MEGF8: variants seen among roughly 807,000 people sequenced by gnomAD.
The protein encoded by MEGF8 is multiple EGF like domains 8.
MEGF8 carries 156 observed loss-of-function variants against 302.9 expected under a neutral mutation model. The ratio of observed to expected loss-of-function variants is 0.52; its 90% CI spans 0.45 to 0.59. The LOEUF (loss-of-function observed/expected upper bound fraction) is 0.59. Ranked by LOEUF, MEGF8 falls within the 20% of genes least tolerant of loss-of-function variation. The pLI is 0.00. For missense variants in MEGF8, 3,345 were observed against 3,964.5 expected (o/e 0.84, Z 4.20); for synonymous variants, 1,621 against 1,660.5 (o/e 0.98, Z 0.58).
At position 42,359,078 on chromosome 19, in the gene MEGF8, A is replaced by ACAACCCCC. The variant is rs2039494634; in HGVS notation, c.5344-19_5344-18insAACCCCCC. The ACAACCCCC allele has an allele frequency of 1.4e-6, 1 of 710,684 alleles. No homozygotes were observed. The highest frequency in any genetic ancestry group is 2.1e-5 in the African/African-American group (1 of 47,910). 44.0% of individuals were successfully genotyped at this position (710,684 alleles called of 1,614,324 possible). A position where few individuals can be genotyped will look rare whatever the true frequency, so the allele number is the denominator to read the frequency against. ...CTCTGACAGGCTGTCCTGTCCCCCCACCCCCCGTCTCCCCAACAGCCCCGC... is the reference window on the plus strand; with the variant it reads ...CTCTGACAGGCTGTCCTGTCCCCCCACAACCCCCCCCCCCGTCTCCCCAACAGCCCCGC... On this transcript the variant is annotated intron_variant, in intron 30 of 41. Coordinates refer to ENST00000251268, the MANE Select transcript of MEGF8 (RefSeq NM_001271938.2).
intron 13 of MEGF8, among the ~76,000 whole-genome samples, chr19:42,349,198 G>T (rs548705215): frequency 6.6e-6 from 1 of 152,100 alleles, no homozygotes; most frequent in African/African-American, 2.4e-5. Flanking sequence ...TATTTGGGAG[G>T]CTGAGGTGGG....
At chr19:42,350,523 G>A (rs1277071778) in intron 15 of MEGF8, 139 bp downstream of exon 15, 4 of 753,514 alleles carry the variant, frequency 5.3e-6, no homozygotes, top group Non-Finnish European at 8.3e-6. Context: ...CTGGTGGGGA[G>A]GGTGAGATGG....
intron 12 of MEGF8, among the ~76,000 whole-genome samples, chr19:42,346,926 A>G (rs886289038): frequency 6.8e-6 from 1 of 147,716 alleles, no homozygotes; most frequent in Non-Finnish European, 1.5e-5. Context: ...TGGAGCTTGC[A>G]GTCAGCTGAG....
In MEGF8 at chr19:42,354,569, C is replaced by G. The variant is rs532096375; in HGVS notation, c.4012-19C>G. ...CTCATCCTCATTGTCTCCTAATCCT[C>G]GATTCTGCACCCCTCTAGCTGAGCT... On this transcript the variant is annotated intron_variant, in intron 22 of 41. Coordinates refer to ENST00000251268, the MANE Select transcript of MEGF8 (RefSeq NM_001271938.2). The surrounding 1 kb of genome is among the most constrained non-coding windows in gnomAD (Gnocchi z 4.3). The G allele has an allele frequency of 6.2e-7, 1 of 1,601,318 alleles. No individual in the cohort carries two copies. Among genetic ancestry groups the G allele is most frequent in the Middle Eastern group, 1.7e-4 (1 of 6,014 alleles).
rs1302353391 is a variant in MEGF8, at chr19:42,336,874, G to T, written c.1312G>T (p.Gly438Trp). 6.2e-7 allele frequency: 1 copy of T among 1,613,068 alleles called. No individual in the cohort carries two copies. The highest frequency in any genetic ancestry group is 1.3e-5 in the African/African-American group (1 of 75,006). Residue 438 changes from glycine (G) to tryptophan (W), a missense_variant, in exon 7 of 42, where the codon GGG becomes TGG. Coordinates refer to ENST00000251268, the MANE Select transcript of MEGF8 (RefSeq NM_001271938.2). The surrounding 1 kb of genome is among the most constrained non-coding windows in gnomAD (Gnocchi z 4.8). Reference protein sequence around the residue: ...VDRHVWTTLKGRDGLQGPRER... With the variant: ...VDRHVWTTLKWRDGLQGPRER... ...TCGGCATGTGTGGACGACGCTGAAG[G>T]GGCGGGATGGGCTTCAGGGCCCAAG... is the stretch of plus-strand genomic sequence containing the variant.
chr19:42,328,850 C>CA (rs1193111298), intron 1 of MEGF8, among the ~76,000 whole-genome samples: 31 of 148,594 alleles, frequency 2.1e-4, no homozygotes, highest in East Asian at 6.0e-4. Flanking sequence ...GACTCTACCT[C>CA]AAAAAAAAAG....
chr19:42,337,319 T>C, intron 8 of MEGF8, 113 bp downstream of exon 8: 2 of 1,469,946 alleles, frequency 1.4e-6, no homozygotes, highest in East Asian at 4.6e-5. Flanking sequence ...TCCAGGCCAG[T>C]TGGTGCCAGC....
At chr19:42,327,762 A>G (rs2039004022) in intron 1 of MEGF8, among the ~76,000 whole-genome samples, 1 of 152,194 alleles carries the variant, frequency 6.6e-6, no homozygotes. Context: ...GAAGCGGGAG[A>G]GTGATGCTTT....
At chr19:42,362,863 A>T (rs1334299929) in intron 34 of MEGF8, among the ~76,000 whole-genome samples, 185 bp from the exon 35 acceptor site, 21 of 97,064 alleles carry the variant, frequency 2.2e-4, no homozygotes, top group Non-Finnish European at 2.1e-4. Flanking sequence ...GGGGGCCTGG[A>T]CTCCTGGGTC....
At position 42,375,569 on chromosome 19, in the gene MEGF8, C is replaced by T; in HGVS notation, c.7332C>T (p.Leu2444=). The change falls in exon 42 of 42, where the codon CTC becomes CTT. Residue 2444 remains leucine (L), a synonymous_variant. Coordinates refer to ENST00000251268, the MANE Select transcript of MEGF8 (RefSeq NM_001271938.2). This position sits in a 1 kb window ranked among gnomAD's most constrained non-coding sequence, Gnocchi z 7.1. ...SPLGGQQCYR[L]ISVEQECCLD... ...TGGGCGGCCAGCAGTGCTACCGCCT[C>T]ATCTCGGTGGAGCAGGAGTGCTGCC... 2.5e-6 allele frequency: 4 copies of T among 1,597,210 alleles called. No individual in the cohort carries two copies. The highest frequency in any genetic ancestry group is 3.4e-6 in the Non-Finnish European group (4 of 1,172,846).
At chr19:42,333,799 C>G in intron 2 of MEGF8, 31 bp downstream of exon 2, 1 of 1,607,640 alleles carries the variant, frequency 6.2e-7, no homozygotes, top group Non-Finnish European at 8.5e-7. Flanking sequence ...GGCAGATACA[C>G]CGAGGGAAAT....
intron 14 of MEGF8, 59 bp downstream of exon 14, chr19:42,349,758 G>A (rs1568564324): frequency 6.4e-7 from 1 of 1,553,230 alleles, no homozygotes; most frequent in Non-Finnish European, 8.8e-7. Flanking sequence ...AGATCACCTG[G>A]GCTTTCTGAA....
Position 42,362,346 on chromosome 19 carries a change from G to A in MEGF8, c.5845-38G>A, listed in dbSNP as rs1482702965. 1.9e-6 allele frequency: 3 copies of A among 1,612,922 alleles called. No individual in the cohort carries two copies. In the South Asian group the frequency reaches 3.3e-5, roughly 18 times the overall value. On this transcript the variant is annotated intron_variant, in intron 33 of 41. Transcript: ENST00000251268. Reference sequence around the variant, plus strand: ...CGAGTTCTCAGCTGGCTCAGGAGGGGTGCTGAGGGTCCCATCTAGCCTGTC... The same window carrying A: ...CGAGTTCTCAGCTGGCTCAGGAGGGATGCTGAGGGTCCCATCTAGCCTGTC...
Position 42,376,692 on chromosome 19 carries a change from G to T in MEGF8, c.8455G>T (p.Gly2819Cys). 6.6e-7 allele frequency: 1 copy of T among 1,512,564 alleles called. No homozygotes were observed. Among genetic ancestry groups the T allele is most frequent in the Non-Finnish European group, 8.8e-7 (1 of 1,130,202 alleles). The allele number at this position is 1,512,564 out of a possible 1,614,324, so 93.7% of individuals were successfully genotyped here. A position where few individuals can be genotyped will look rare whatever the true frequency, so the allele number is the denominator to read the frequency against. The change falls in exon 42 of 42, where the codon GGT (glycine) becomes TGT (cysteine). Residue 2819 changes from glycine to cysteine, a missense_variant. Physicochemically the swap from Gly to Cys is radical, Grantham distance 159 (BLOSUM62 -3). Transcript: ENST00000251268. The surrounding 1 kb of genome is among the most constrained non-coding windows in gnomAD (Gnocchi z 8.2). ...RLHEYCGGGG[G>C]AGGSGHGTGA... Reference sequence around the variant, plus strand: ...GCACGAGTACTGTGGGGGTGGTGGGGGTGCTGGGGGCAGTGGGCATGGGAC... The same window carrying T: ...GCACGAGTACTGTGGGGGTGGTGGGTGTGCTGGGGGCAGTGGGCATGGGAC...
In MEGF8 at chr19:42,369,448, G is replaced by C; in HGVS notation, c.6642-83G>C. 7.1e-7 allele frequency: 1 copy of C among 1,407,454 alleles called. No homozygotes were observed. Among genetic ancestry groups the C allele is most frequent in the East Asian group, 2.3e-5 (1 of 43,454 alleles). The allele number at this position is 1,407,454 out of a possible 1,614,324, so 87.2% of individuals were successfully genotyped here. ...AGGGATGAGCAACCAGTTGAGAAGA[G>C]GGTGGGGTAGTTGGTTGGGTGCTAG... On this transcript the variant is annotated intron_variant, in intron 37 of 41. Transcript: ENST00000251268. This position sits in a 1 kb window ranked among gnomAD's most constrained non-coding sequence, Gnocchi z 5.7.
chr19:42,332,895 T>C (rs1164500240), intron 1 of MEGF8, among the ~76,000 whole-genome samples: 2 of 152,204 alleles, frequency 1.3e-5, no homozygotes, highest in Non-Finnish European at 2.9e-5. Context: ...AGTACCACTA[T>C]ATCCCACTTT....
Position 42,326,307 on chromosome 19 carries a change from TC to T in MEGF8, c.68del (p.Pro23LeufsTer22). The T allele has an allele frequency of 6.4e-7, 1 of 1,560,322 alleles. No individual in the cohort carries two copies. Among genetic ancestry groups the T allele is most frequent in the South Asian group, 1.2e-5 (1 of 83,956 alleles). On this transcript the variant is annotated frameshift_variant, in exon 1 of 42. Transcript: ENST00000251268. LOFTEE classifies it high-confidence loss of function. ...GGCCTTGGCCGTGCTGGGGTCGCTG[TC>T]CCCTGGGGCCCGGGCGGGGGACTGC... is the stretch of plus-strand genomic sequence containing the variant. ...VLALAVLGSL[S>X]PGARAGDCKG...
chr19:42,346,997 A>AG (rs1386374435), intron 12 of MEGF8, among the ~76,000 whole-genome samples: 1 of 150,840 alleles, frequency 6.6e-6, no homozygotes, highest in Non-Finnish European at 1.5e-5. Flanking sequence ...AAAAAAAAAA[A>AG]AAAAAAAAGA....
Position 42,336,791 on chromosome 19 carries a change from G to C in MEGF8, c.1245-16G>C. The stretch of plus-strand genomic sequence containing the variant: ...GCTTCCTGCCCTGAGCCCCTGCCCT[G>C]CTTCTCCTTCGGTAGGTTCTCTGTG... On this transcript the variant is annotated splice_polypyrimidine_tract_variant and intron_variant, in intron 6 of 41. Coordinates refer to ENST00000251268, the MANE Select transcript of MEGF8 (RefSeq NM_001271938.2). This position sits in a 1 kb window ranked among gnomAD's most constrained non-coding sequence, Gnocchi z 4.8. 1 of 1,568,542 alleles carries C rather than the reference G, an allele frequency of 6.4e-7. No homozygotes were observed. Among genetic ancestry groups the C allele is most frequent in the South Asian group, 1.2e-5 (1 of 85,832 alleles).
Sources: gnomAD v4.1 joint callset for allele counts (sites outside exome capture counted in the v4.1 genomes callset) on GRCh38, gnomAD v4.1.1 for gene constraint, Gnocchi (gnomAD v3.1) non-coding constraint, MANE v1.5 for transcripts, NCBI Gene and HGNC (gene_info 2026-07-23, HGNC 2026-07-21) for gene names.